Variants in YEATS4 observed in about 807,000 individuals in gnomAD.
The protein encoded by YEATS4 is YEATS domain containing 4.
YEATS4 carries 17 observed loss-of-function variants against 30.1 expected under a neutral mutation model. The observed-to-expected ratio is 0.56, with a 90% CI of 0.39 to 0.85. The LOEUF is 0.85. Ranked by LOEUF, YEATS4 falls within the 40% of genes least tolerant of loss-of-function variation. The pLI is 0.00. For missense variants in YEATS4, 142 were observed against 268.3 expected (o/e 0.53, Z 3.29); for synonymous variants, 85 against 87.5 (o/e 0.97, Z 0.16).
chr12:69,423,552 A>T, the YEATS4 span, among the ~76,000 whole-genome samples: 1 of 152,234 alleles, frequency 6.6e-6, no homozygotes, highest in Non-Finnish European at 1.5e-5. Context: ...GCATTCCGGG[A>T]ATCTCAGCTA....
At chr12:69,392,770 A>T (rs956563125), downstream of YEATS4, among the ~76,000 whole-genome samples, 2 of 152,226 alleles carry the variant, frequency 1.3e-5, no homozygotes, top group Admixed American at 1.3e-4. Flanking sequence ...AGTTACTCAG[A>T]TGAGTAATCT....
rs1351065706 is a variant in YEATS4, at chr12:69,390,445, T to A, written c.*129T>A. The A allele has an allele frequency of 1.3e-6, 1 of 791,898 alleles. No homozygotes were observed. Among genetic ancestry groups the A allele is most frequent in the Non-Finnish European group, 1.8e-6 (1 of 543,700 alleles). The allele number at this position is 791,898 out of a possible 1,614,324, so 49.1% of individuals were successfully genotyped here. A position where few individuals can be genotyped will look rare whatever the true frequency, so the allele number is the denominator to read the frequency against. On this transcript the variant is annotated 3_prime_UTR_variant, in exon 7 of 7. Coordinates refer to ENST00000247843, the MANE Select transcript of YEATS4 (RefSeq NM_006530.4). ...TCATATACAGCTGTTGACCATGAAT[T>A]TCTTAGCAATAGGAATTTGTACTAT...
chr12:69,394,257 A>G (rs970334836), downstream of YEATS4, among the ~76,000 whole-genome samples: 2 of 152,230 alleles, frequency 1.3e-5, no homozygotes, highest in African/African-American at 4.8e-5. Context: ...ATTGTATTAC[A>G]TAAAATGCAA....
chr12:69,398,363 G>T, the YEATS4 span, among the ~76,000 whole-genome samples: 4 of 151,758 alleles, frequency 2.6e-5, no homozygotes, highest in Middle Eastern at 0.014. Flanking sequence ...CAGCAAAATT[G>T]CAGGATGAAC....
chr12:69,362,925 C>A lies in YEATS4; in HGVS notation c.171+18C>A. 1 of 1,406,796 alleles carries A rather than the reference C, an allele frequency of 7.1e-7. No homozygotes were observed. Among genetic ancestry groups the A allele is most frequent in the African/African-American group, 1.5e-5 (1 of 65,234 alleles). 87.1% of individuals were successfully genotyped at this position (1,406,796 alleles called of 1,614,324 possible). A position where few individuals can be genotyped will look rare whatever the true frequency, so the allele number is the denominator to read the frequency against. On this transcript the variant is annotated intron_variant, in intron 2 of 6. Transcript: ENST00000247843. ...GAAATGAGGTAGGCACTCGTTTTTT[C>A]TGTAACTGTTTTACTTAAAGTTGTC...
At chr12:69,369,115 T>C (rs565720769) in intron 4 of YEATS4, among the ~76,000 whole-genome samples, 1 of 152,296 alleles carries the variant, frequency 6.6e-6, no homozygotes, top group African/African-American at 2.4e-5. Context: ...AACATCTTTA[T>C]CCCATCTTTG....
chr12:69,396,440 G>A, the YEATS4 span, among the ~76,000 whole-genome samples: 1 of 152,176 alleles, frequency 6.6e-6, no homozygotes, highest in Non-Finnish European at 1.5e-5. Context: ...AGAGGAGAGT[G>A]TGCAAACTGG....
the YEATS4 span, among the ~76,000 whole-genome samples, chr12:69,417,154 ATTTTTTT>A: frequency 1.5e-5 from 1 of 68,134 alleles, no homozygotes; most frequent in Non-Finnish European, 3.3e-5. Flanking sequence ...TTTTTTAAAA[ATTTTTTT>A]TTTTTTTTTT....
At chr12:69,373,373 C>A (rs1004165888) in intron 6 of YEATS4, among the ~76,000 whole-genome samples, 4 of 152,138 alleles carry the variant, frequency 2.6e-5, no homozygotes, top group Admixed American at 6.5e-5. Context: ...TTTTAATTTG[C>A]ATTTTTCTGA....
chr12:69,387,587 C>T (rs1474128656), intron 6 of YEATS4, among the ~76,000 whole-genome samples: 2 of 152,148 alleles, frequency 1.3e-5, no homozygotes, highest in Non-Finnish European at 2.9e-5. Flanking sequence ...TCAATTAGGT[C>T]CTCTGTAGTC....
At chr12:69,411,089 A>G in the YEATS4 span, among the ~76,000 whole-genome samples, 1 of 152,188 alleles carries the variant, frequency 6.6e-6, no homozygotes, top group Non-Finnish European at 1.5e-5. Flanking sequence ...ATTTAACAAT[A>G]TATATTAAGC....
chr12:69,390,476 C>G lies in YEATS4; in HGVS notation c.*160C>G. On this transcript the variant is annotated 3_prime_UTR_variant, in exon 7 of 7. Transcript: ENST00000247843. ...GCAATAGGAATTTGTACTATTTAAG[C>G]AATCTTTAATGGAAAATATGTGTGT... The G allele has an allele frequency of 5.1e-6, 3 of 583,412 alleles. No homozygotes were observed. The East Asian group carries it at 1.1e-4, about 21-fold the overall frequency. 36.1% of individuals were successfully genotyped at this position (583,412 alleles called of 1,614,324 possible). A position where few individuals can be genotyped will look rare whatever the true frequency, so the allele number is the denominator to read the frequency against.
At chr12:69,408,446 T>C in the YEATS4 span, among the ~76,000 whole-genome samples, 1 of 152,176 alleles carries the variant, frequency 6.6e-6, no homozygotes, top group African/African-American at 2.4e-5. Context: ...AATTTGTAGA[T>C]CAGAAATTAT....
intron 2 of YEATS4, among the ~76,000 whole-genome samples, chr12:69,365,152 TA>T (rs1275465292): frequency 3.3e-5 from 5 of 151,870 alleles, no homozygotes; most frequent in South Asian, 2.1e-4. Flanking sequence ...TTTGTTTTTT[TA>T]AAAAAAGCAA....
intron 6 of YEATS4, among the ~76,000 whole-genome samples, chr12:69,376,411 G>C (rs1565679078): frequency 1.3e-5 from 2 of 152,094 alleles, no homozygotes; most frequent in Non-Finnish European, 2.9e-5. Context: ...CTACAAACAA[G>C]GCTAATTTGA....
At chr12:69,398,322 C>CAA in the YEATS4 span, among the ~76,000 whole-genome samples, 6 of 151,720 alleles carry the variant, frequency 4.0e-5, no homozygotes, top group South Asian at 2.1e-4. Flanking sequence ...CACACACACA[C>CAA]AAAAAAACTA....
the YEATS4 span, among the ~76,000 whole-genome samples, chr12:69,409,138 C>T: frequency 1.3e-5 from 2 of 152,256 alleles, no homozygotes; most frequent in African/African-American, 2.4e-5. Context: ...TGGTTTGAAT[C>T]GTGGCTCCGT....
chr12:69,416,096 G>T, the YEATS4 span, among the ~76,000 whole-genome samples: 3 of 152,116 alleles, frequency 2.0e-5, no homozygotes, highest in Non-Finnish European at 2.9e-5. Context: ...TCCCAGGCCC[G>T]CGGTCCTACC....
chr12:69,393,085 C>T (rs532446338), downstream of YEATS4, among the ~76,000 whole-genome samples: 4 of 152,210 alleles, frequency 2.6e-5, no homozygotes, highest in East Asian at 5.8e-4. Context: ...TTAGCATTAC[C>T]CCTAATGTCT....
Sources: gnomAD v4.1 joint callset for allele counts (sites outside exome capture counted in the v4.1 genomes callset) on GRCh38, gnomAD v4.1.1 for gene constraint, MANE v1.5 for transcripts, NCBI Gene and HGNC (gene_info 2026-07-23, HGNC 2026-07-21) for gene names.